The following MRPL11 variants were observed in gnomAD, a reference collection of about 807,000 sequenced individuals.
The protein encoded by MRPL11 is large ribosomal subunit protein uL11m.
In MRPL11, 21 loss-of-function variants were observed where a neutral mutation model predicts 19.1. That is an observed-to-expected ratio of 1.10 (90% CI 0.78 to 1.58). The LOEUF is 1.58. Among genes scored for constraint, MRPL11 ranks in the 40% most tolerant of loss-of-function variants. The pLI, the probability that MRPL11 is intolerant of heterozygous loss-of-function variation, is 0.00. For missense variants in MRPL11, 242 were observed against 243.9 expected, an observed-to-expected ratio of 0.99 and a Z score of 0.05; for synonymous variants, 108 against 99.7, an observed-to-expected ratio of 1.08 and a Z score of -0.49.
At position 66,437,370 on chromosome 11, in the gene MRPL11, T is replaced by C; in HGVS notation, c.293A>G (p.Glu98Gly). 2 of 1,614,198 alleles carry C rather than the reference T, an allele frequency of 1.2e-6. No individual in the cohort carries two copies. The highest frequency in any genetic ancestry group is 8.5e-7 in the Non-Finnish European group (1 of 1,180,034). The change falls in exon 3 of 5, where the codon GAA (glutamate) becomes GGA (glycine). Residue 98 changes from glutamate to glycine, a missense_variant. By Grantham distance (98) the Glu-to-Gly change is moderately conservative. Transcript: ENST00000310999. The part of the protein sequence containing the change: ...SYFLKAAAGI[E>G]KGARQTGKEV... ...CTCACCTGTTTGCCGGGCCCCCTTT[T>C]CAATCCCAGCTGCTGCCTTCAGGAA... is the stretch of plus-strand genomic sequence containing the variant.
At chr11:66,436,474 C>A (rs1394712513) in intron 4 of MRPL11, among the ~76,000 whole-genome samples, 1 of 152,070 alleles carries the variant, frequency 6.6e-6, no homozygotes, top group Non-Finnish European at 1.5e-5. Flanking sequence ...CAGATTTACC[C>A]ATCTCCATGC....
Position 66,438,021 on chromosome 11 carries a change from T to C in MRPL11, c.219+143A>G. 9.7e-6 allele frequency: 6 copies of C among 618,470 alleles called. No individual in the cohort carries two copies. In the East Asian group the frequency reaches 1.7e-4, roughly 17 times the overall value. 38.3% of individuals were successfully genotyped at this position (618,470 alleles called of 1,614,324 possible). A position where few individuals can be genotyped will look rare whatever the true frequency, so the allele number is the denominator to read the frequency against. ...CAAGATGGGGCTGGTTCAGAAAAAA[T>C]ATGATCTAGTCCTAAATGGGGAAAG... On this transcript the variant is annotated intron_variant, in intron 2 of 4. Transcript: ENST00000310999.
Position 66,435,477 on chromosome 11 carries a change from C to T in MRPL11, c.*530G>A, listed in dbSNP as rs546016532. On this transcript the variant is annotated 3_prime_UTR_variant, in exon 5 of 5. Coordinates refer to ENST00000310999, the MANE Select transcript of MRPL11 (RefSeq NM_016050.5). ...CTGAGATCTCCACAGGGACTTGTTT[C>T]TGCAGAGGTGGCAAGTTGTTCAGAG... is the stretch of plus-strand genomic sequence containing the variant. The T allele has an allele frequency of 6.5e-6, 1 of 153,248 alleles. No homozygotes were observed. The highest frequency in any genetic ancestry group is 1.5e-5 in the Non-Finnish European group (1 of 68,782). The allele number at this position is 153,248 out of a possible 1,614,324, so 9.5% of individuals were successfully genotyped here. A position where few individuals can be genotyped will look rare whatever the true frequency, so the allele number is the denominator to read the frequency against.
chr11:66,438,713 G>A lies in MRPL11; in HGVS notation c.42C>T (p.Pro14=), dbSNP rs1555033935. Residue 14 remains proline, a synonymous_variant, in exon 1 of 5, where the codon CCC becomes CCT. Transcript: ENST00000310999. ...TCGCCCGGATCACACCGCCGACCTC[G>A]GGCTTCCTGAGGCCCCGGGCGGCCC... is the stretch of plus-strand genomic sequence containing the variant. ...LGRAARGLRK[P]EVGGVIRAIV... The A allele has an allele frequency of 1.9e-6, 3 of 1,584,736 alleles. No homozygotes were observed. The highest frequency in any genetic ancestry group is 1.4e-5 in the African/African-American group (1 of 73,706).
At chr11:66,436,725 G>C (rs111495760) in intron 4 of MRPL11, 7 of 887,930 alleles carry the variant, frequency 7.9e-6, no homozygotes, top group African/African-American at 5.0e-5. Flanking sequence ...CCCATGACAG[G>C]GGTCCCTGTT....
chr11:66,438,289 G>C, intron 1 of MRPL11, 30 bp from the exon 2 acceptor site: 1 of 1,539,954 alleles, frequency 6.5e-7, no homozygotes, highest in Non-Finnish European at 9.0e-7. Flanking sequence ...GGTTAGTGGT[G>C]AGAGGAGGGG....
In MRPL11 at chr11:66,438,508, T is replaced by C. The variant is rs1857034138; in HGVS notation, c.123+124A>G. Reference sequence around the variant, plus strand: ...GTAACCAGCACAAGGACATAAAGCGTGTGAGAAGCAGAGCCGAGCTCTGAA... The same window carrying C: ...GTAACCAGCACAAGGACATAAAGCGCGTGAGAAGCAGAGCCGAGCTCTGAA... On this transcript the variant is annotated intron_variant, in intron 1 of 4. Coordinates refer to ENST00000310999, the MANE Select transcript of MRPL11 (RefSeq NM_016050.5). 5 of 1,302,360 alleles carry C rather than the reference T, an allele frequency of 3.8e-6. No homozygotes were observed. In the Admixed American group the frequency reaches 7.0e-5, roughly 18 times the overall value. The allele number at this position is 1,302,360 out of a possible 1,614,324, so 80.7% of individuals were successfully genotyped here.
chr11:66,438,547 G>A, intron 1 of MRPL11, 85 bp downstream of exon 1: 2 of 1,461,020 alleles, frequency 1.4e-6, no homozygotes, highest in South Asian at 1.4e-5. Context: ...AGGCCCGGGT[G>A]GTTCCAGGGC....
rs1212102205 is a variant in MRPL11, at chr11:66,435,330, C to T, written c.*677G>A. 1.3e-5 allele frequency: 2 copies of T among 152,194 alleles called. No individual in the cohort carries two copies. The highest frequency in any genetic ancestry group is 2.9e-5 in the Non-Finnish European group (2 of 68,040). 9.4% of individuals were successfully genotyped at this position (152,194 alleles called of 1,614,324 possible). A position where few individuals can be genotyped will look rare whatever the true frequency, so the allele number is the denominator to read the frequency against. The stretch of plus-strand genomic sequence containing the variant: ...CTTTCTGTGGTCTGTAGCTGTCAGC[C>T]CTACAATAGTTCATGTTCAGCCAAC... On this transcript the variant is annotated 3_prime_UTR_variant, in exon 5 of 5. Coordinates refer to ENST00000310999, the MANE Select transcript of MRPL11 (RefSeq NM_016050.5).
At chr11:66,438,490 G>T in intron 1 of MRPL11, 142 bp downstream of exon 1, 1 of 1,198,786 alleles carries the variant, frequency 8.3e-7, no homozygotes, top group Non-Finnish European at 1.2e-6. Flanking sequence ...TTTGTAACCA[G>T]CACAAGGACA....
chr11:66,437,285 C>A (rs1326385488), intron 3 of MRPL11, 22 bp from the exon 4 acceptor site: 1 of 1,614,078 alleles, frequency 6.2e-7, no homozygotes, highest in African/African-American at 1.3e-5. Context: ...GAACAAGTGG[C>A]TCTTCAGGTG....
intron 2 of MRPL11, 77 bp from the exon 3 acceptor site, chr11:66,437,520 G>A: frequency 7.6e-7 from 1 of 1,313,460 alleles, no homozygotes; most frequent in Non-Finnish European, 1.1e-6. Flanking sequence ...CTTGCCCCCT[G>A]CTTCCTTCAT....
Position 66,438,221 on chromosome 11 carries a change from A to C in MRPL11, c.162T>G (p.Asn54Lys), listed in dbSNP as rs760821385. The C allele has an allele frequency of 6.2e-7, 1 of 1,614,046 alleles. No homozygotes were observed. Among genetic ancestry groups the C allele is most frequent in the Admixed American group, 1.7e-5 (1 of 60,026 alleles). ...VSINQFCKEF[N>K]ERTKDIKEGI... Reference sequence around the variant, plus strand: ...CTTCCTTGATGTCCTTTGTCCTCTCATTGAACTCCTTGCAAAACTGGTTGA... The same window carrying C: ...CTTCCTTGATGTCCTTTGTCCTCTCCTTGAACTCCTTGCAAAACTGGTTGA... The change falls in exon 2 of 5, where the codon AAT becomes AAG. Residue 54 changes from asparagine to lysine, a missense_variant. Coordinates refer to ENST00000310999, the MANE Select transcript of MRPL11 (RefSeq NM_016050.5).
At chr11:66,436,503 G>T (rs914276823) in intron 4 of MRPL11, among the ~76,000 whole-genome samples, 1 of 151,766 alleles carries the variant, frequency 6.6e-6, no homozygotes, top group African/African-American at 2.4e-5. Flanking sequence ...AAAAAAAAAA[G>T]ATTTGAGAAA....
Position 66,435,337 on chromosome 11 carries a change from T to G in MRPL11, c.*670A>C, listed in dbSNP as rs1856944369. ...TGGTCTGTAGCTGTCAGCCCTACAA[T>G]AGTTCATGTTCAGCCAACATCTGAC... On this transcript the variant is annotated 3_prime_UTR_variant, in exon 5 of 5. Transcript: ENST00000310999. 6.6e-6 allele frequency: 1 copy of G among 152,208 alleles called. No individual in the cohort carries two copies. Among genetic ancestry groups the G allele is most frequent in the South Asian group, 2.1e-4 (1 of 4,828 alleles). 9.4% of individuals were successfully genotyped at this position (152,208 alleles called of 1,614,324 possible).
intron 2 of MRPL11, among the ~76,000 whole-genome samples, chr11:66,437,818 G>C (rs551974475): frequency 6.6e-6 from 1 of 152,152 alleles, no homozygotes; most frequent in Admixed American, 6.5e-5. Context: ...AGATTGCAGT[G>C]AGCGGAGATC....
chr11:66,436,528 C>T (rs1229116999), intron 4 of MRPL11, among the ~76,000 whole-genome samples: 1 of 152,122 alleles, frequency 6.6e-6, no homozygotes, highest in African/African-American at 2.4e-5. Context: ...AAGTCTGTGT[C>T]TGCTCCATGC....
rs200954914 is a variant in MRPL11, at chr11:66,438,667, T to C, written c.88A>G (p.Met30Val). ...IRAIVRAGLA[M>V]PGPPLGPVLG... ...ACTGGGCCTAGTGGGGGCCCGGGCA[T>C]GGCCAGGCCTGCCCGCACGATCGCC... is the stretch of plus-strand genomic sequence containing the variant. Residue 30 changes from methionine (M) to valine (V), a missense_variant, in exon 1 of 5, where the codon ATG becomes GTG. Transcript: ENST00000310999. 2 of 1,565,744 alleles carry C rather than the reference T, an allele frequency of 1.3e-6. No homozygotes were observed. Among genetic ancestry groups the C allele is most frequent in the Non-Finnish European group, 1.7e-6 (2 of 1,153,660 alleles).
intron 4 of MRPL11, 89 bp downstream of exon 4, chr11:66,437,015 C>CT: frequency 7.2e-7 from 1 of 1,387,902 alleles, no homozygotes. Flanking sequence ...TAAAAGCTGA[C>CT]TTTCCCACTG....
Sources: gnomAD v4.1 joint callset for allele counts (sites outside exome capture counted in the v4.1 genomes callset) on GRCh38, gnomAD v4.1.1 for gene constraint, MANE v1.5 for transcripts, NCBI Gene and HGNC (gene_info 2026-07-23, HGNC 2026-07-21) for gene names.